The following RELN variants were observed in gnomAD, a reference collection of about 807,000 sequenced individuals.
RELN encodes reelin.
In RELN, 108 loss-of-function variants were observed where a neutral mutation model predicts 427.6. That is an observed-to-expected ratio of 0.25 (90% CI 0.22 to 0.30). RELN has a LOEUF of 0.30. RELN is among the 10% of genes least tolerant of loss of function. RELN has a pLI of 1.00. For missense variants in RELN, 3,715 were observed against 4,302.8 expected (o/e 0.86, Z 3.82); for synonymous variants, 1,524 against 1,513.4 (o/e 1.01, Z -0.16).
intron 28 of RELN, among the ~76,000 whole-genome samples, chr7:103,584,700 T>C (rs898091111): frequency 5.3e-5 from 8 of 152,168 alleles, no homozygotes; most frequent in Admixed American, 2.6e-4. Context: ...AATTGGACTC[T>C]ATGCCAAATG....
At chr7:103,885,505 A>G (rs1794706151) in intron 2 of RELN, among the ~76,000 whole-genome samples, 1 of 152,094 alleles carries the variant, frequency 6.6e-6, no homozygotes, top group Non-Finnish European at 1.5e-5. Flanking sequence ...ACCAAACACC[A>G]CATGTTCTTA....
At chr7:103,919,056 T>C (rs1318997914) in intron 1 of RELN, among the ~76,000 whole-genome samples, 1 of 152,160 alleles carries the variant, frequency 6.6e-6, no homozygotes, top group African/African-American at 2.4e-5. Context: ...CGCTACTCTT[T>C]TGACAGTGGA....
At chr7:103,485,468 T>G (rs190452147) in intron 61 of RELN, among the ~76,000 whole-genome samples, 47 of 152,322 alleles carry the variant, frequency 3.1e-4, no homozygotes, top group Non-Finnish European at 6.2e-4. Context: ...ACTGAACACT[T>G]TTCAGCATTC....
intron 11 of RELN, among the ~76,000 whole-genome samples, chr7:103,662,582 C>T (rs1018007296): frequency 1.0e-4 from 15 of 142,866 alleles, no homozygotes; most frequent in African/African-American, 3.7e-4. Flanking sequence ...GCTGAGATTG[C>T]ACCACTGCAC....
intron 20 of RELN, among the ~76,000 whole-genome samples, chr7:103,624,147 T>C (rs1832276158): frequency 6.6e-6 from 1 of 152,172 alleles, no homozygotes. Flanking sequence ...TGACTGCTGC[T>C]TCTCATAAAA....
At position 103,522,128 on chromosome 7, in the gene RELN, T is replaced by C. The variant is rs756999307; in HGVS notation, c.7562A>G (p.Asn2521Ser). ...ETSLPTQLKD[N>S]FNRAPSSQNW... ...CTGACTGGATGGAGCTCGATTGAAG[T>C]TGTCTTTGAGTTGGGTTGGAAGAGA... Residue 2521 changes from asparagine (N) to serine (S), a missense_variant, in exon 48 of 65, where the codon AAC (asparagine) becomes AGC (serine). Around this residue, in one of 4 missense-constraint regions of RELN, gnomAD observed 1,310 missense variants for 1,643.0 expected, o/e 0.80. Coordinates refer to ENST00000428762, the MANE Select transcript of RELN (RefSeq NM_005045.4). The C allele has an allele frequency of 8.1e-6, 13 of 1,613,928 alleles. No homozygotes were observed. Among genetic ancestry groups the C allele is most frequent in the South Asian group, 5.5e-5 (5 of 91,056 alleles).
intron 6 of RELN, among the ~76,000 whole-genome samples, chr7:103,731,878 A>G (rs528420257): frequency 6.6e-6 from 1 of 152,298 alleles, no homozygotes; most frequent in South Asian, 2.1e-4. Flanking sequence ...ATATTCAATT[A>G]TATTTTCACA....
In RELN at chr7:103,500,643, G is replaced by T. The variant is rs1404147932; in HGVS notation, c.8667+102C>A. 2.1e-5 allele frequency: 24 copies of T among 1,150,848 alleles called. No individual in the cohort carries two copies. The East Asian group carries it at 3.5e-4, about 17-fold the overall frequency. The allele number at this position is 1,150,848 out of a possible 1,614,324, so 71.3% of individuals were successfully genotyped here. ...ATTCAAAGGATTTTCTTTCCTGGGGGACCCAAAGGACATTGTTATAGATTA... is the reference window on the plus strand; with the variant it reads ...ATTCAAAGGATTTTCTTTCCTGGGGTACCCAAAGGACATTGTTATAGATTA... On this transcript the variant is annotated intron_variant, in intron 53 of 64. Coordinates refer to ENST00000428762, the MANE Select transcript of RELN (RefSeq NM_005045.4).
rs778049584 is a variant in RELN, at chr7:103,700,954, A to G, written c.858T>C (p.Tyr286=). 1.9e-6 allele frequency: 3 copies of G among 1,612,512 alleles called. No individual in the cohort carries two copies. Among genetic ancestry groups the G allele is most frequent in the Non-Finnish European group, 2.5e-6 (3 of 1,178,632 alleles). Residue 286 remains tyrosine (Y), a synonymous_variant, in exon 9 of 65, where the codon TAT becomes TAC. Coordinates refer to ENST00000428762, the MANE Select transcript of RELN (RefSeq NM_005045.4). ...TCCAGTCCGCAGAGTTATTCTTGGC[A>G]TATAACACGATGATGCTGGGGTCTG... is the stretch of plus-strand genomic sequence containing the variant. The part of the protein sequence containing the change: ...SYSDPSIIVL[Y]AKNNSADWIQ...
At chr7:103,627,643 C>T (rs1334349812) in intron 20 of RELN, among the ~76,000 whole-genome samples, 1 of 149,924 alleles carries the variant, frequency 6.7e-6, no homozygotes, top group Admixed American at 6.6e-5. Flanking sequence ...CAAGACAACT[C>T]CTTTTTGCTT....
chr7:103,958,834 G>A (rs1363025981), intron 1 of RELN, among the ~76,000 whole-genome samples: 2 of 152,062 alleles, frequency 1.3e-5, no homozygotes, highest in Admixed American at 1.3e-4. Flanking sequence ...AGAGCCCTAG[G>A]GATCATCTAG....
rs2075040 is a variant in RELN at position 103,522,400 on chromosome 7, T to C, written c.7491-201A>G. On this transcript the variant is annotated intron_variant, in intron 47 of 64. Coordinates refer to ENST00000428762, the MANE Select transcript of RELN (RefSeq NM_005045.4). ...ATCTATGAATTAACTAACTCTAACA[T>C]TTCCTAAGGTAGTGATTCAGGGTTA... Among the ~76,000 whole-genome samples the C allele has an allele frequency of 0.58, 87,637 of 152,040 alleles. 28,582 individuals are homozygous for C. Among genetic ancestry groups the C allele is most frequent in the Non-Finnish European group, 0.72 (48,966 of 67,986 alleles).
At chr7:103,874,551 G>A (rs904958085) in intron 2 of RELN, among the ~76,000 whole-genome samples, 1 of 145,638 alleles carries the variant, frequency 6.9e-6, no homozygotes, top group African/African-American at 2.5e-5. Flanking sequence ...CAAGCATTCT[G>A]ATACACCAAC....
chr7:103,838,356 A>G (rs140076456), intron 2 of RELN, among the ~76,000 whole-genome samples: 24 of 152,304 alleles, frequency 1.6e-4, no homozygotes, highest in Non-Finnish European at 2.8e-4. Context: ...AATATTCCAC[A>G]GTATAAAGTT....
At chr7:103,761,946 A>G (rs1791310994) in intron 4 of RELN, among the ~76,000 whole-genome samples, 1 of 152,186 alleles carries the variant, frequency 6.6e-6, no homozygotes, top group Non-Finnish European at 1.5e-5. Context: ...CTAGGCTCAA[A>G]AGAGGAAGAA....
chr7:103,958,838 C>G (rs1796490117), intron 1 of RELN, among the ~76,000 whole-genome samples: 1 of 152,118 alleles, frequency 6.6e-6, no homozygotes, highest in Admixed American at 6.5e-5. Context: ...CCCTAGGGAT[C>G]ATCTAGGCCA....
intron 4 of RELN, among the ~76,000 whole-genome samples, chr7:103,767,541 T>C (rs1791456214): frequency 6.6e-6 from 1 of 152,192 alleles, no homozygotes; most frequent in South Asian, 2.1e-4. Context: ...ACACTCATAT[T>C]AACATTTTCA....
chr7:103,712,417 TAA>T (rs1162708468), intron 8 of RELN, among the ~76,000 whole-genome samples: 12 of 152,166 alleles, frequency 7.9e-5, no homozygotes, highest in African/African-American at 2.7e-4. Flanking sequence ...TACTGAAAAT[TAA>T]AGAGTTACTT....
chr7:103,983,696 G>GC lies in RELN; in HGVS notation c.226+5434dup, dbSNP rs1383724833. Among the ~76,000 whole-genome samples, 12 of 152,258 alleles carry GC rather than the reference G, an allele frequency of 7.9e-5. No homozygotes were observed. In the East Asian group the frequency reaches 2.3e-3, roughly 29 times the overall value. ...TGAAAATACTTAGATAAGTCAATTT[G>GC]CCTTTTAACGTGTATTAAGTCATTA... On this transcript the variant is annotated intron_variant, in intron 1 of 64. Coordinates refer to ENST00000428762, the MANE Select transcript of RELN (RefSeq NM_005045.4).
Sources: gnomAD v4.1 joint callset for allele counts (sites outside exome capture counted in the v4.1 genomes callset) on GRCh38, gnomAD v4.1.1 for gene constraint, gnomAD v4.1.1 regional missense constraint, MANE v1.5 for transcripts, NCBI Gene and HGNC (gene_info 2026-07-23, HGNC 2026-07-21) for gene names.